Variants in CDK15 observed in about 807,000 individuals in gnomAD.
The protein encoded by CDK15 is cyclin dependent kinase 15.
In CDK15, 62 loss-of-function variants were observed where a neutral mutation model predicts 60.3. The ratio of observed to expected loss-of-function variants is 1.03; its 90% CI spans 0.84 to 1.27. The LOEUF is 1.27. Among genes scored for constraint, CDK15 ranks in the 50% most tolerant of loss-of-function variants. CDK15 has a pLI of 0.00. For synonymous variants in CDK15, 194 were observed against 195.7 expected, an observed-to-expected ratio of 0.99 and a Z score of 0.07; for missense variants, 541 against 527.8, an observed-to-expected ratio of 1.03 and a Z score of -0.25.
At chr2:201,869,697 C>A (rs1698783517) in intron 10 of CDK15, among the ~76,000 whole-genome samples, 1 of 150,958 alleles carries the variant, frequency 6.6e-6, no homozygotes, top group South Asian at 2.1e-4. Context: ...AAGAACCCCA[C>A]TCAAGTTAGA....
At chr2:201,860,075 A>G (rs1698321670) in intron 10 of CDK15, among the ~76,000 whole-genome samples, 1 of 152,034 alleles carries the variant, frequency 6.6e-6, no homozygotes, top group Non-Finnish European at 1.5e-5. Flanking sequence ...GTTTCATCCA[A>G]CTCCTTTTGC....
chr2:201,851,060 G>A (rs1029650394), intron 9 of CDK15, among the ~76,000 whole-genome samples: 1 of 152,088 alleles, frequency 6.6e-6, no homozygotes, highest in Admixed American at 6.6e-5. Flanking sequence ...GGGAGGCCAA[G>A]GTGGGTGGAT....
Position 201,833,973 on chromosome 2 carries a change from T to G in CDK15, c.730+2T>G, listed in dbSNP as rs1696892835. On this transcript the variant is annotated splice_donor_variant, in intron 7 of 13. Coordinates refer to ENST00000652192, the MANE Select transcript of CDK15 (RefSeq NM_001366386.2). LOFTEE classifies it high-confidence loss of function. ...GAGAGCTCAAACTGGCTGATTTTGG[T>G]AAGTCGCCCCTCGGGTCTCATTCTG... 1 of 1,613,160 alleles carries G rather than the reference T, an allele frequency of 6.2e-7. No individual in the cohort carries two copies. Among genetic ancestry groups the G allele is most frequent in the African/African-American group, 1.3e-5 (1 of 74,842 alleles).
At position 201,836,870 on chromosome 2, in the gene CDK15, A is replaced by C. The variant is rs544621921; in HGVS notation, c.851+1107A>C. On this transcript the variant is annotated intron_variant, in intron 8 of 13. Transcript: ENST00000652192. ...TTTCATGCCAGTTCGATTTCTAATC[A>C]ATTAACTCTGGATTCTGTTATCTTG... Among the ~76,000 whole-genome samples the C allele has an allele frequency of 5.3e-5, 8 of 151,508 alleles. No individual in the cohort carries two copies. The South Asian group carries it at 1.7e-3, about 32-fold the overall frequency.
At chr2:201,834,003 G>A (rs750825300) in intron 7 of CDK15, 32 bp downstream of exon 7, 2 of 1,607,568 alleles carry the variant, frequency 1.2e-6, no homozygotes, top group Admixed American at 3.4e-5. Context: ...ATTCTGGGCT[G>A]TGAACAATGA....
chr2:201,870,521 C>CAA (rs57674133), intron 10 of CDK15, among the ~76,000 whole-genome samples: 82 of 134,312 alleles, frequency 6.1e-4, no homozygotes, highest in East Asian at 3.0e-3. Context: ...CCAGCCTGGA[C>CAA]AAAAAAAAAA....
chr2:201,823,740 A>G lies in CDK15; in HGVS notation c.606+13A>G. On this transcript the variant is annotated intron_variant, in intron 6 of 13. Transcript: ENST00000652192. The stretch of plus-strand genomic sequence containing the variant: ...TCATAATGTCAGAGTGAGTACGTTA[A>G]GGGTCAGGACCCTCTCCTGGCTTGC... 3.7e-6 allele frequency: 6 copies of G among 1,612,496 alleles called. No homozygotes were observed. The highest frequency in any genetic ancestry group is 5.1e-6 in the Non-Finnish European group (6 of 1,178,806).
intron 8 of CDK15, among the ~76,000 whole-genome samples, chr2:201,838,946 G>C (rs373767767): frequency 4.6e-5 from 7 of 151,886 alleles, no homozygotes; most frequent in African/African-American, 1.5e-4. Context: ...TGATTTTAAG[G>C]GTTGTTTTTT....
intron 12 of CDK15, 77 bp downstream of exon 12, chr2:201,880,244 T>G: frequency 6.5e-7 from 1 of 1,535,924 alleles, no homozygotes; most frequent in Non-Finnish European, 8.8e-7. Flanking sequence ...GTGTCTTAAG[T>G]AGTTTGCCTC....
At position 201,866,858 on chromosome 2, in the gene CDK15, C is replaced by T. The variant is rs560923308; in HGVS notation, c.1010-5420C>T. On this transcript the variant is annotated intron_variant, in intron 10 of 13. Coordinates refer to ENST00000652192, the MANE Select transcript of CDK15 (RefSeq NM_001366386.2). Reference sequence around the variant, plus strand: ...AGTGGGAGGGCAGGCCACAAACAGGCGATGGGCTTTGCTTCTGCTTAATAG... The same window carrying T: ...AGTGGGAGGGCAGGCCACAAACAGGTGATGGGCTTTGCTTCTGCTTAATAG... Among the ~76,000 whole-genome samples the T allele has an allele frequency of 1.6e-4, 25 of 152,282 alleles. 1 individual carries two copies. In the South Asian group the frequency reaches 1.7e-3, roughly 10 times the overall value.
chr2:201,879,918 T>A, intron 11 of CDK15, 110 bp from the exon 12 acceptor site: 2 of 1,398,166 alleles, frequency 1.4e-6, no homozygotes, highest in Non-Finnish European at 1.9e-6. Flanking sequence ...AAAATTCTAC[T>A]TAAAATCTAA....
At chr2:201,861,831 G>C (rs183530905) in intron 10 of CDK15, among the ~76,000 whole-genome samples, 1 of 152,142 alleles carries the variant, frequency 6.6e-6, no homozygotes, top group Non-Finnish European at 1.5e-5. Flanking sequence ...AAAGTGCTGG[G>C]ATTACAGGTG....
At chr2:201,880,202 A>AGTGCT (rs1699226821) in intron 12 of CDK15, 35 bp downstream of exon 12, 1 of 1,608,806 alleles carries the variant, frequency 6.2e-7, no homozygotes, top group African/African-American at 1.4e-5. Context: ...GCGTGAGTGC[A>AGTGCT]TGTGCGTGAG....
chr2:201,818,871 G>C (rs771989240), intron 4 of CDK15, among the ~76,000 whole-genome samples: 1 of 152,064 alleles, frequency 6.6e-6, no homozygotes, highest in African/African-American at 2.4e-5. Flanking sequence ...GTATAGAAAT[G>C]ATATTAGGTA....
rs1559150109 is a variant in CDK15 at position 201,882,523 on chromosome 2, C to A, written c.1198+2356C>A. Reference sequence around the variant, plus strand: ...GGTTTGTCAAAGCCACAGGGCTCTGCTGCTGCTGCCTCGGCGGACAAGCAT... The same window carrying A: ...GGTTTGTCAAAGCCACAGGGCTCTGATGCTGCTGCCTCGGCGGACAAGCAT... On this transcript the variant is annotated intron_variant, in intron 12 of 13. Coordinates refer to ENST00000652192, the MANE Select transcript of CDK15 (RefSeq NM_001366386.2). This position sits in a 1 kb window ranked among gnomAD's most constrained non-coding sequence, Gnocchi z 4.0. 6.6e-6 allele frequency among the ~76,000 whole-genome samples: 1 copy of A among 152,146 alleles called. No individual in the cohort carries two copies.
At chr2:201,826,731 TGAGAA>T (rs947893618) in intron 6 of CDK15, among the ~76,000 whole-genome samples, 52 of 152,180 alleles carry the variant, frequency 3.4e-4, no homozygotes, top group African/African-American at 1.1e-3. Flanking sequence ...AATAAATGGA[TGAGAA>T]GAGAATAGAA....
At chr2:201,877,118 A>C (rs1453222027) in intron 11 of CDK15, among the ~76,000 whole-genome samples, 2 of 152,196 alleles carry the variant, frequency 1.3e-5, no homozygotes, top group Non-Finnish European at 2.9e-5. Flanking sequence ...TCTTATAAGA[A>C]AAGGGGTGCC....
intron 11 of CDK15, among the ~76,000 whole-genome samples, chr2:201,873,916 TG>T (rs1698963315): frequency 6.6e-6 from 1 of 152,102 alleles, no homozygotes; most frequent in Non-Finnish European, 1.5e-5. Flanking sequence ...TAGCCGAGCG[TG>T]GTGGCATGTG....
intron 9 of CDK15, among the ~76,000 whole-genome samples, chr2:201,848,059 C>T (rs982835036): frequency 6.6e-6 from 1 of 152,022 alleles, no homozygotes; most frequent in Non-Finnish European, 1.5e-5. Context: ...CCAGGGAAGT[C>T]GAGGCTGCTG....
Sources: allele counts gnomAD v4.1 joint callset (sites outside exome capture counted in the v4.1 genomes callset), GRCh38; gene constraint gnomAD v4.1.1; non-coding constraint Gnocchi (gnomAD v3.1); transcripts MANE v1.5; gene names NCBI Gene and HGNC (gene_info 2026-07-23, HGNC 2026-07-21).